Variants in CPNE2 observed in about 807,000 individuals in gnomAD.
CPNE2 encodes copine-2.
Under a neutral mutation model 69.7 loss-of-function variants are expected in CPNE2, and 42 were observed. The ratio of observed to expected loss-of-function variants is 0.60; its 90% confidence interval spans 0.47 to 0.78. The LOEUF (loss-of-function observed/expected upper bound fraction) is 0.78, where lower values mean the gene tolerates loss of function less well. CPNE2 is among the 30% of genes least tolerant of loss of function. The pLI, the probability that CPNE2 is intolerant of heterozygous loss-of-function variation, is 0.00. For synonymous variants in CPNE2, 294 were observed against 289.8 expected (o/e 1.01, Z -0.15); for missense variants, 587 against 732.0 (o/e 0.80, Z 2.29).
rs1008598279 is a variant in CPNE2, at chr16:57,123,444, A to G, written c.898A>G (p.Ile300Val). 1.2e-6 allele frequency: 2 copies of G among 1,613,190 alleles called. No individual in the cohort carries two copies. The highest frequency in any genetic ancestry group is 8.5e-7 in the Non-Finnish European group (1 of 1,180,002). ...INRDYSFLDYILGGCQLMFTV... is the reference protein window; with the variant it reads ...INRDYSFLDYVLGGCQLMFTV... ...CCGAGACTACTCCTTCCTTGACTAC[A>G]TCCTGGGAGGCTGCCAGCTCATGTT... is the stretch of plus-strand genomic sequence containing the variant. The change falls in exon 10 of 16, where the codon ATC (isoleucine) becomes GTC (valine). Residue 300 changes from isoleucine to valine, a missense_variant. Around this residue, in one of 5 missense-constraint regions of CPNE2, gnomAD observed 269 missense variants for 300.5 expected, o/e 0.90. Transcript: ENST00000290776.
chr16:57,111,773 G>C (rs189140919), intron 2 of CPNE2, among the ~76,000 whole-genome samples: 1 of 152,348 alleles, frequency 6.6e-6, no homozygotes, highest in African/African-American at 2.4e-5. Flanking sequence ...CCCCAGGCAA[G>C]GACTTCTGAG....
At chr16:57,123,219 C>T (rs1413158356) in intron 9 of CPNE2, 195 bp from the exon 10 acceptor site, 3 of 614,706 alleles carry the variant, frequency 4.9e-6, no homozygotes, top group Non-Finnish European at 8.7e-6. Flanking sequence ...CTCTGTGAGT[C>T]CCCCACCCAT....
intron 14 of CPNE2, chr16:57,145,793 G>C (rs1296616116): frequency 1.1e-5 from 5 of 439,254 alleles, no homozygotes; most frequent in African/African-American, 2.0e-5. Flanking sequence ...GCCAGGCCCA[G>C]AGTCCAGGGC....
Position 57,110,693 on chromosome 16 carries a change from C to T in CPNE2, c.-35-15C>T. The T allele has an allele frequency of 6.7e-7, 1 of 1,499,442 alleles. No homozygotes were observed. Among genetic ancestry groups the T allele is most frequent in the East Asian group, 2.5e-5 (1 of 39,934 alleles). The allele number at this position is 1,499,442 out of a possible 1,614,324, so 92.9% of individuals were successfully genotyped here. On this transcript the variant is annotated splice_polypyrimidine_tract_variant and intron_variant, in intron 1 of 15. Transcript: ENST00000290776. ...GTGTCTGTCCACTCTCTGACCCTCA[C>T]TTCTGTTCCCCTAGACTGCCAGGAA...
intron 5 of CPNE2, among the ~76,000 whole-genome samples, chr16:57,118,681 G>GATGC (rs2069738500): frequency 6.6e-6 from 1 of 151,784 alleles, no homozygotes; most frequent in South Asian, 2.1e-4. Context: ...TGGATGGATG[G>GATGC]ATGGATGGAT....
At chr16:57,107,146 C>T (rs116697923) in intron 1 of CPNE2, among the ~76,000 whole-genome samples, 236 of 152,336 alleles carry the variant, frequency 1.5e-3, no homozygotes, top group African/African-American at 5.3e-3. Flanking sequence ...CTGTCTGCCC[C>T]CTTCCCCACC....
In CPNE2 at chr16:57,121,746, C is replaced by G. The variant is rs929615113; in HGVS notation, c.853C>G (p.Leu285Val). ...KNYKNSGIII[L>V]RSCKINRDYS... ...CTATAAAAACTCGGGCATCATCATC[C>G]TGCGATCCTGCAAGGTGAACCAGCG... is the stretch of plus-strand genomic sequence containing the variant. The change falls in exon 9 of 16, where the codon CTG becomes GTG. Residue 285 changes from leucine (L) to valine (V), a missense_variant. By Grantham distance (32) the Leu-to-Val change is conservative (BLOSUM62 1). This residue lies in a region of CPNE2 where 269 missense variants were observed against 300.5 expected (regional missense o/e 0.90). Transcript: ENST00000290776. 4 of 1,614,192 alleles carry G rather than the reference C, an allele frequency of 2.5e-6. No homozygotes were observed. In the South Asian group the frequency reaches 4.4e-5, roughly 18 times the overall value.
At chr16:57,109,942 C>G (rs576966926) in intron 1 of CPNE2, among the ~76,000 whole-genome samples, 18 of 152,322 alleles carry the variant, frequency 1.2e-4, no homozygotes, top group African/African-American at 4.1e-4. Flanking sequence ...CAGAAGTGAG[C>G]TTCCTAGTGG....
At chr16:57,103,856 C>G (rs2069631739) in intron 1 of CPNE2, among the ~76,000 whole-genome samples, 1 of 152,230 alleles carries the variant, frequency 6.6e-6, no homozygotes, top group African/African-American at 2.4e-5. Context: ...ACCTATTGTT[C>G]CAAGTGCTTT....
chr16:57,123,750 C>G (rs1008544325), intron 10 of CPNE2: 38 of 505,180 alleles, frequency 7.5e-5, no homozygotes, highest in African/African-American at 6.3e-4. Context: ...AAAACAAATT[C>G]CTCCTCACTG....
At chr16:57,108,842 T>C (rs1028384065) in intron 1 of CPNE2, among the ~76,000 whole-genome samples, 1 of 152,224 alleles carries the variant, frequency 6.6e-6, no homozygotes, top group Non-Finnish European at 1.5e-5. Context: ...GGGCACAGAA[T>C]TTTGGGAAAT....
intron 12 of CPNE2, among the ~76,000 whole-genome samples, chr16:57,129,470 CG>C (rs1480238694): frequency 2.0e-5 from 3 of 151,970 alleles, no homozygotes; most frequent in African/African-American, 7.2e-5. Flanking sequence ...AGATGAGGAA[CG>C]GGGTGGGTGC....
chr16:57,131,466 T>A (rs1218594229), intron 12 of CPNE2, among the ~76,000 whole-genome samples: 1 of 152,178 alleles, frequency 6.6e-6, no homozygotes, highest in Non-Finnish European at 1.5e-5. Context: ...AGTGATGCCA[T>A]TCGGGGGGCA....
intron 11 of CPNE2, among the ~76,000 whole-genome samples, chr16:57,127,330 G>T (rs2069807616): frequency 6.6e-6 from 1 of 152,188 alleles, no homozygotes; most frequent in Non-Finnish European, 1.5e-5. Context: ...TATGTGTTTG[G>T]GGAATAGCAA....
chr16:57,127,943 G>T, intron 12 of CPNE2, 40 bp downstream of exon 12: 1 of 1,603,536 alleles, frequency 6.2e-7, no homozygotes, highest in Non-Finnish European at 8.5e-7. Context: ...GGTTGAGATG[G>T]GGTTTGTGTG....
intron 13 of CPNE2, 41 bp downstream of exon 13, chr16:57,134,867 C>T (rs1348781079): frequency 1.0e-5 from 16 of 1,605,500 alleles, no homozygotes; most frequent in East Asian, 4.5e-5. Context: ...GTGTTTGCTA[C>T]GGGCCTGGCC....
chr16:57,093,266 C>T (rs1268504262), intron 1 of CPNE2, among the ~76,000 whole-genome samples: 2 of 146,866 alleles, frequency 1.4e-5, no homozygotes, highest in East Asian at 4.4e-4. Context: ...GGAGGGCCGG[C>T]TCCCAGCCCC....
At chr16:57,103,717 C>T (rs1483294304) in intron 1 of CPNE2, among the ~76,000 whole-genome samples, 4 of 152,202 alleles carry the variant, frequency 2.6e-5, no homozygotes, top group East Asian at 1.9e-4. Flanking sequence ...CCCACCCAGC[C>T]GGCCCAGCAG....
At position 57,145,873 on chromosome 16, in the gene CPNE2, G is replaced by A. The variant is rs866275732; in HGVS notation, c.1303-212G>A. 13 of 586,088 alleles carry A rather than the reference G, an allele frequency of 2.2e-5. No homozygotes were observed. In the Middle Eastern group the frequency reaches 1.4e-3, roughly 61 times the overall value. 36.3% of individuals were successfully genotyped at this position (586,088 alleles called of 1,614,324 possible). ...GAGGGGAGAGCAGTTTGTACTTCCTGCTGTGACCAGGTCAGAGTTTAGAGC... is the reference window on the plus strand; with the variant it reads ...GAGGGGAGAGCAGTTTGTACTTCCTACTGTGACCAGGTCAGAGTTTAGAGC... On this transcript the variant is annotated intron_variant, in intron 14 of 15. Transcript: ENST00000290776.
Sources: gnomAD v4.1 joint callset for allele counts (sites outside exome capture counted in the v4.1 genomes callset) on GRCh38, gnomAD v4.1.1 for gene constraint, gnomAD v4.1.1 regional missense constraint, MANE v1.5 for transcripts, NCBI Gene and HGNC (gene_info 2026-07-23, HGNC 2026-07-21) for gene names.